The following PRKCE variants were observed in gnomAD, a reference collection of about 807,000 sequenced individuals.
PRKCE encodes protein kinase C epsilon.
A neutral mutation model predicts 85.4 loss-of-function variants in PRKCE; 16 were observed. That is an observed-to-expected ratio of 0.19 (90% CI 0.13 to 0.28). The LOEUF is 0.28. Among genes scored for constraint, PRKCE ranks in the 10% least tolerant of loss-of-function variants. The pLI, the probability that PRKCE is intolerant of heterozygous loss-of-function variation, is 1.00. For synonymous variants in PRKCE, 388 were observed against 371.5 expected, an observed-to-expected ratio of 1.04 and a Z score of -0.51; for missense variants, 573 against 975.2, an observed-to-expected ratio of 0.59 and a Z score of 5.49.
chr2:46,096,834 C>T (rs1474870749), intron 11 of PRKCE, among the ~76,000 whole-genome samples: 1 of 152,202 alleles, frequency 6.6e-6, no homozygotes, highest in Non-Finnish European at 1.5e-5. Context: ...TCTCTCTGAG[C>T]CACAGTTTCC....
intron 1 of PRKCE, among the ~76,000 whole-genome samples, chr2:45,719,920 T>C (rs1052306954): frequency 5.9e-5 from 9 of 152,108 alleles, no homozygotes; most frequent in Middle Eastern, 3.4e-3. Flanking sequence ...AAAGACCCTG[T>C]CTCCTAAAAA....
Position 46,184,991 on chromosome 2 carries a change from A to G in PRKCE, c.*110A>G. ...AACTACTTCTCCTCCTCGGAGCCCC[A>G]GTCCCATGTCCACTGTCTATTTATT... On this transcript the variant is annotated 3_prime_UTR_variant, in exon 15 of 15. Transcript: ENST00000306156. The surrounding 1 kb of genome is among the most constrained non-coding windows in gnomAD (Gnocchi z 5.0). 1 of 1,412,658 alleles carries G rather than the reference A, an allele frequency of 7.1e-7. No individual in the cohort carries two copies. 87.5% of individuals were successfully genotyped at this position (1,412,658 alleles called of 1,614,324 possible).
chr2:46,082,707 G>C (rs1669210390), intron 10 of PRKCE, among the ~76,000 whole-genome samples: 7 of 152,198 alleles, frequency 4.6e-5, no homozygotes, highest in Admixed American at 2.0e-4. Flanking sequence ...GAGAGGCAGA[G>C]AAAACCCTGC....
rs1425755364 is a variant in PRKCE, at chr2:45,966,165, C to T, written c.413-10264C>T. ...GCCTTTCACAAGACAGTTATTTAAC[C>T]TCTTTGTGCCAAAAGTAATGCCTTG... On this transcript the variant is annotated intron_variant, in intron 2 of 14. Transcript: ENST00000306156. 1.3e-5 allele frequency among the ~76,000 whole-genome samples: 2 copies of T among 152,152 alleles called. 1 individual carries two copies. The highest frequency in any genetic ancestry group is 4.8e-5 in the African/African-American group (2 of 41,434).
rs189541862 is a variant in PRKCE, at chr2:46,016,845, G to A, written c.1437+6328G>A. On this transcript the variant is annotated intron_variant, in intron 10 of 14. Coordinates refer to ENST00000306156, the MANE Select transcript of PRKCE (RefSeq NM_005400.3). ...AATCGCTTGAACCCAGGAGGCAGAG[G>A]TTGCAGTGAGCCGAGATCGTCCCAC... Among the ~76,000 whole-genome samples the A allele has an allele frequency of 6.0e-5, 9 of 150,364 alleles. No individual in the cohort carries two copies. In the East Asian group the frequency reaches 1.8e-3, roughly 29 times the overall value.
At chr2:45,672,613 G>T (rs1039601167) in intron 1 of PRKCE, among the ~76,000 whole-genome samples, 1 of 152,166 alleles carries the variant, frequency 6.6e-6, no homozygotes, top group East Asian at 1.9e-4. Context: ...GACTGAGGTT[G>T]CGGCAATTGA....
At chr2:45,690,810 A>C (rs559901243) in intron 1 of PRKCE, among the ~76,000 whole-genome samples, 43 of 152,348 alleles carry the variant, frequency 2.8e-4, no homozygotes, top group Non-Finnish European at 5.1e-4. Context: ...CTGGGGCACC[A>C]GTGGAAAGGC....
At chr2:45,987,469 T>A (rs942566766) in intron 6 of PRKCE, among the ~76,000 whole-genome samples, 2 of 152,166 alleles carry the variant, frequency 1.3e-5, no homozygotes, top group Non-Finnish European at 2.9e-5. Context: ...CCTCTCCCTC[T>A]CTCTTTGTCT....
intron 1 of PRKCE, among the ~76,000 whole-genome samples, chr2:45,660,864 G>T (rs1675604279): frequency 6.6e-6 from 1 of 152,204 alleles, no homozygotes. Flanking sequence ...TACTGTGCTG[G>T]GAGAACCAGG....
chr2:45,822,044 A>G (rs1267043080), intron 1 of PRKCE, among the ~76,000 whole-genome samples: 1 of 152,160 alleles, frequency 6.6e-6, no homozygotes, highest in Non-Finnish European at 1.5e-5. Flanking sequence ...CTTCGGCTGA[A>G]GGGCCTGGGA....
At chr2:46,054,038 TC>T (rs1401441612) in intron 10 of PRKCE, among the ~76,000 whole-genome samples, 2 of 152,232 alleles carry the variant, frequency 1.3e-5, no homozygotes, top group African/African-American at 4.8e-5. Flanking sequence ...CTTACTGCTC[TC>T]TCACAATCTC....
At chr2:45,816,428 G>A (rs1390388865) in intron 1 of PRKCE, among the ~76,000 whole-genome samples, 1 of 151,982 alleles carries the variant, frequency 6.6e-6, no homozygotes, top group Non-Finnish European at 1.5e-5. Context: ...GAGACAGCAT[G>A]GGCTTCATCC....
At chr2:45,983,324 C>G (rs1703042228) in intron 5 of PRKCE, among the ~76,000 whole-genome samples, 1 of 152,164 alleles carries the variant, frequency 6.6e-6, no homozygotes, top group Non-Finnish European at 1.5e-5. Context: ...AGCCAGGGAG[C>G]TGAGGCCCAG....
At chr2:45,899,718 G>A (rs964823080) in intron 2 of PRKCE, among the ~76,000 whole-genome samples, 3 of 152,126 alleles carry the variant, frequency 2.0e-5, no homozygotes, top group Non-Finnish European at 4.4e-5. Flanking sequence ...CATAGTTCCC[G>A]AAGGCCCTGA....
chr2:45,679,083 G>C (rs1676689997), intron 1 of PRKCE, among the ~76,000 whole-genome samples: 1 of 152,078 alleles, frequency 6.6e-6, no homozygotes, highest in South Asian at 2.1e-4. Context: ...CAAAAGAATA[G>C]AAAAGAGAGA....
intron 2 of PRKCE, among the ~76,000 whole-genome samples, chr2:45,921,413 T>C (rs942614363): frequency 5.3e-5 from 8 of 152,236 alleles, no homozygotes; most frequent in African/African-American, 1.9e-4. Flanking sequence ...ATAACAATAG[T>C]TTACCTTTCA....
At chr2:45,991,088 C>T (rs1258167084) in intron 6 of PRKCE, among the ~76,000 whole-genome samples, 1 of 151,886 alleles carries the variant, frequency 6.6e-6, no homozygotes, top group African/African-American at 2.4e-5. Context: ...CTCACTGCAA[C>T]CTCTGCCTCC....
At chr2:45,690,300 A>G (rs1231139539) in intron 1 of PRKCE, among the ~76,000 whole-genome samples, 1 of 152,228 alleles carries the variant, frequency 6.6e-6, no homozygotes, top group Non-Finnish European at 1.5e-5. Context: ...TGTCTGAGTA[A>G]GAAAAAAAAT....
At chr2:45,864,654 G>GA (rs1215649650) in intron 2 of PRKCE, among the ~76,000 whole-genome samples, 1 of 152,176 alleles carries the variant, frequency 6.6e-6, no homozygotes, top group Non-Finnish European at 1.5e-5. Flanking sequence ...CATACCAAGG[G>GA]ATCCCAGGTT....
Sources: gnomAD v4.1 joint callset for allele counts (sites outside exome capture counted in the v4.1 genomes callset) on GRCh38, gnomAD v4.1.1 for gene constraint, Gnocchi (gnomAD v3.1) non-coding constraint, MANE v1.5 for transcripts, NCBI Gene and HGNC (gene_info 2026-07-23, HGNC 2026-07-21) for gene names.